The following RASAL2 variants were observed in gnomAD, a reference collection of about 807,000 sequenced individuals.
RASAL2 encodes RAS protein activator like 2.
In RASAL2, 58 loss-of-function variants were observed where a neutral mutation model predicts 128.9. The ratio of observed to expected loss-of-function variants is 0.45; its 90% CI spans 0.36 to 0.56. The LOEUF is 0.56. Among genes scored for constraint, RASAL2 ranks in the 20% least tolerant of loss-of-function variants. RASAL2 has a pLI of 0.00. For synonymous variants in RASAL2, 561 were observed against 580.8 expected (o/e 0.97, Z 0.49); for missense variants, 1,360 against 1,601.6 (o/e 0.85, Z 2.57).
intron 3 of RASAL2, among the ~76,000 whole-genome samples, chr1:178,386,460 C>G (rs1672574011): frequency 6.6e-6 from 1 of 152,140 alleles, no homozygotes; most frequent in Non-Finnish European, 1.5e-5. Context: ...TCCAGATGTT[C>G]TCTTTGTTCA....
At chr1:178,302,065 AAC>A (rs1422507719) in intron 3 of RASAL2, among the ~76,000 whole-genome samples, 1 of 152,150 alleles carries the variant, frequency 6.6e-6, no homozygotes, top group Non-Finnish European at 1.5e-5. Flanking sequence ...TATAGGGAAA[AAC>A]ACTACTTCTA....
intron 17 of RASAL2, among the ~76,000 whole-genome samples, chr1:178,471,666 C>CT (rs1343177282): frequency 6.6e-6 from 1 of 152,016 alleles, no homozygotes; most frequent in East Asian, 1.9e-4. Context: ...GCACTGCTGC[C>CT]TTACGGATCC....
At chr1:178,139,510 T>C (rs374765416) in intron 1 of RASAL2, among the ~76,000 whole-genome samples, 1 of 152,128 alleles carries the variant, frequency 6.6e-6, no homozygotes, top group African/African-American at 2.4e-5. Flanking sequence ...TACTCCTTAC[T>C]ATTACTCCAT....
chr1:178,361,817 T>A (rs1359024855), intron 3 of RASAL2, among the ~76,000 whole-genome samples: 1 of 152,100 alleles, frequency 6.6e-6, no homozygotes, highest in Non-Finnish European at 1.5e-5. Flanking sequence ...CTCACCATAA[T>A]GTAGAATCAG....
chr1:178,198,264 T>C lies in RASAL2; in HGVS notation c.203-85300T>C, dbSNP rs1203573534. Among the ~76,000 whole-genome samples the C allele has an allele frequency of 3.9e-5, 6 of 152,210 alleles. 1 individual carries two copies. Among genetic ancestry groups the C allele is most frequent in the Admixed American group, 3.9e-4 (6 of 15,280 alleles). On this transcript the variant is annotated intron_variant, in intron 1 of 17. Coordinates refer to ENST00000367649, the MANE Select transcript of RASAL2 (RefSeq NM_170692.4). Reference sequence around the variant, plus strand: ...AGATGGTATTCCTAGTTCTAGATCCTTGAGGAATTGCCACACTGTCTTCCA... The same window carrying C: ...AGATGGTATTCCTAGTTCTAGATCCCTGAGGAATTGCCACACTGTCTTCCA...
intron 3 of RASAL2, among the ~76,000 whole-genome samples, chr1:178,380,008 G>C (rs1430712210): frequency 6.6e-6 from 1 of 152,142 alleles, no homozygotes; most frequent in Non-Finnish European, 1.5e-5. Flanking sequence ...CCTACCCGTA[G>C]TAGCTGGGAC....
At chr1:178,385,102 C>A (rs1672486963) in intron 3 of RASAL2, among the ~76,000 whole-genome samples, 1 of 152,176 alleles carries the variant, frequency 6.6e-6, no homozygotes, top group Non-Finnish European at 1.5e-5. Context: ...TACTCTCTTT[C>A]CAAACATAAT....
intron 1 of RASAL2, among the ~76,000 whole-genome samples, chr1:178,108,565 G>T (rs543053387): frequency 1.3e-5 from 2 of 152,292 alleles, no homozygotes; most frequent in Non-Finnish European, 2.9e-5. Flanking sequence ...AGAGGAACTT[G>T]TCCAACATTA....
chr1:178,228,749 GC>G (rs1437486483), intron 1 of RASAL2, among the ~76,000 whole-genome samples: 10 of 151,970 alleles, frequency 6.6e-5, no homozygotes, highest in Admixed American at 6.6e-4. Flanking sequence ...TTCCCAGTTT[GC>G]AACTTTTCTC....
rs1675272672 is a variant in RASAL2 at position 178,423,197 on chromosome 1, T to C, written c.674+2577T>C. Among the ~76,000 whole-genome samples, 3 of 152,138 alleles carry C rather than the reference T, an allele frequency of 2.0e-5. No individual in the cohort carries two copies. In the South Asian group the frequency reaches 6.2e-4, roughly 32 times the overall value. On this transcript the variant is annotated intron_variant, in intron 5 of 17. Coordinates refer to ENST00000367649, the MANE Select transcript of RASAL2 (RefSeq NM_170692.4). ...GTGTTTTTATAATAATGTACCTCAC[T>C]TCTCTATTGATGGATATTTACATTG...
intron 4 of RASAL2, among the ~76,000 whole-genome samples, chr1:178,416,641 C>G (rs908950561): frequency 6.6e-6 from 1 of 151,992 alleles, no homozygotes; most frequent in African/African-American, 2.4e-5. Flanking sequence ...TTTTGCAATG[C>G]TGGTCTACTG....
chr1:178,472,624 C>T (rs1648379124), intron 17 of RASAL2, among the ~76,000 whole-genome samples: 1 of 152,160 alleles, frequency 6.6e-6, no homozygotes, highest in Non-Finnish European at 1.5e-5. Flanking sequence ...CTGATATGCC[C>T]TCTTTTGGGG....
At chr1:178,387,333 A>G (rs1311649004) in intron 3 of RASAL2, among the ~76,000 whole-genome samples, 1 of 152,028 alleles carries the variant, frequency 6.6e-6, no homozygotes, top group Non-Finnish European at 1.5e-5. Context: ...CTACATCAGC[A>G]TTGTATTTTT....
In RASAL2 at chr1:178,476,905, AGAGGGT is replaced by A. The variant is rs958249404; in HGVS notation, c.*3667_*3672del. The A allele has an allele frequency of 1.3e-5, 2 of 152,208 alleles. No homozygotes were observed. Among genetic ancestry groups the A allele is most frequent in the Non-Finnish European group, 2.9e-5 (2 of 68,046 alleles). 9.4% of individuals were successfully genotyped at this position (152,208 alleles called of 1,614,324 possible). A position where few individuals can be genotyped will look rare whatever the true frequency, so the allele number is the denominator to read the frequency against. Reference sequence around the variant, plus strand: ...CATTCGTATTTGTTTCCCCTTCCATAGAGGGTTAGTTTTAGTTACCTCTAGCTTGGA... The same window carrying A: ...CATTCGTATTTGTTTCCCCTTCCATATAGTTTTAGTTACCTCTAGCTTGGA... On this transcript the variant is annotated 3_prime_UTR_variant, in exon 18 of 18. Transcript: ENST00000367649.
At chr1:178,469,303 A>G (rs983885556) in intron 17 of RASAL2, among the ~76,000 whole-genome samples, 1 of 152,128 alleles carries the variant, frequency 6.6e-6, no homozygotes, top group Non-Finnish European at 1.5e-5. Context: ...TCTTGAAAAA[A>G]AATGTAATAG....
chr1:178,152,558 G>A (rs565486342), intron 1 of RASAL2, among the ~76,000 whole-genome samples: 4 of 152,150 alleles, frequency 2.6e-5, no homozygotes, highest in South Asian at 2.1e-4. Flanking sequence ...CCAGCTACTC[G>A]GGAGGCTGAG....
chr1:178,180,663 T>TCTCACACACACACACACACACA (rs1553256843), intron 1 of RASAL2, among the ~76,000 whole-genome samples: 2 of 139,158 alleles, frequency 1.4e-5, no homozygotes, highest in Non-Finnish European at 3.1e-5. Flanking sequence ...CGAGACTGTC[T>TCTCACACACACACACACACACA]CACACACACA....
Position 178,302,477 on chromosome 1 carries a change from T to C in RASAL2, c.457+2359T>C, listed in dbSNP as rs201036585. 3.9e-5 allele frequency among the ~76,000 whole-genome samples: 6 copies of C among 152,230 alleles called. No individual in the cohort carries two copies. In the East Asian group the frequency reaches 1.2e-3, roughly 29 times the overall value. On this transcript the variant is annotated intron_variant, in intron 3 of 17. Transcript: ENST00000367649. ...TGAAAGACTTCTACATAGAGAACTT[T>C]AAAACATAAAAGAAAAAAAGATTTA...
chr1:178,115,753 A>G (rs1659502105), intron 1 of RASAL2, among the ~76,000 whole-genome samples: 1 of 152,236 alleles, frequency 6.6e-6, no homozygotes. Context: ...GAGCAGAGAG[A>G]TCAGCCAGAA....
Sources: allele counts gnomAD v4.1 joint callset (sites outside exome capture counted in the v4.1 genomes callset), GRCh38; gene constraint gnomAD v4.1.1; transcripts MANE v1.5; gene names NCBI Gene and HGNC (gene_info 2026-07-23, HGNC 2026-07-21).